The following CDH26 variants were observed in gnomAD, a reference collection of about 807,000 sequenced individuals.
The protein encoded by CDH26 is cadherin-like protein 26.
A neutral mutation model predicts 90.3 loss-of-function variants in CDH26; 83 were observed. The observed-to-expected ratio is 0.92, with a 90% CI of 0.77 to 1.10. CDH26 has a LOEUF of 1.10. Among genes scored for constraint, CDH26 ranks in the 50% least tolerant of loss-of-function variants. The pLI is 0.00. For missense variants in CDH26, 1,013 were observed against 1,037.6 expected (o/e 0.98, Z 0.33); for synonymous variants, 397 against 396.3 (o/e 1.00, Z -0.02).
intron 8 of CDH26, among the ~76,000 whole-genome samples, chr20:59,987,846 A>C (rs1373300135): frequency 1.3e-5 from 2 of 152,200 alleles, no homozygotes; most frequent in African/African-American, 4.8e-5. Context: ...AAATGATATC[A>C]ATAATAAAAC....
intron 4 of CDH26, among the ~76,000 whole-genome samples, chr20:59,981,041 A>G (rs1305164389): frequency 6.6e-6 from 1 of 152,186 alleles, no homozygotes; most frequent in African/African-American, 2.4e-5. Flanking sequence ...TCAATCAACC[A>G]TACTTGTGTG....
chr20:59,961,051 A>C (rs1007044409), intron 1 of CDH26, among the ~76,000 whole-genome samples: 2 of 152,218 alleles, frequency 1.3e-5, no homozygotes, highest in African/African-American at 4.8e-5. Context: ...TTGCCATATC[A>C]AGAGTTACGA....
In CDH26 at chr20:60,014,118, A is replaced by C. The variant is rs1601212804; in HGVS notation, c.*1388A>C. On this transcript the variant is annotated 3_prime_UTR_variant, in exon 18 of 18. Transcript: ENST00000348616. Reference sequence around the variant, plus strand: ...TTGCCTCTTTCATTCTGTCCCCTGTAGATTTTTAAAAAATTATCTCATTTT... The same window carrying C: ...TTGCCTCTTTCATTCTGTCCCCTGTCGATTTTTAAAAAATTATCTCATTTT... The C allele has an allele frequency of 6.6e-6, 1 of 152,260 alleles. No individual in the cohort carries two copies. Among genetic ancestry groups the C allele is most frequent in the East Asian group, 1.9e-4 (1 of 5,174 alleles). The allele number at this position is 152,260 out of a possible 1,614,324, so 9.4% of individuals were successfully genotyped here.
At chr20:60,010,604 G>A (rs1275035429) in intron 17 of CDH26, among the ~76,000 whole-genome samples, 1 of 152,186 alleles carries the variant, frequency 6.6e-6, no homozygotes, top group Non-Finnish European at 1.5e-5. Context: ...TGCTGGGTTG[G>A]AGATTGGCAG....
chr20:60,001,059 A>G (rs568658426), intron 14 of CDH26, among the ~76,000 whole-genome samples: 5 of 152,240 alleles, frequency 3.3e-5, no homozygotes, highest in African/African-American at 4.8e-5. Context: ...CTGCGTGTCT[A>G]TGCAGTTTTC....
At chr20:59,971,865 C>A in intron 3 of CDH26, 97 bp from the exon 4 acceptor site, 1 of 984,426 alleles carries the variant, frequency 1.0e-6, no homozygotes, top group Non-Finnish European at 1.5e-6. Flanking sequence ...GGTATAATTT[C>A]TTAAAGATGC....
Position 59,992,474 on chromosome 20 carries a change from T to A in CDH26, c.1380T>A (p.His460Gln), listed in dbSNP as rs1271233965. 1 of 1,614,150 alleles carries A rather than the reference T, an allele frequency of 6.2e-7. No individual in the cohort carries two copies. The highest frequency in any genetic ancestry group is 1.1e-5 in the South Asian group (1 of 91,084). The change falls in exon 10 of 18, where the codon CAT becomes CAA. Residue 460 changes from histidine (H) to glutamine (Q), a missense_variant. Transcript: ENST00000348616. This position sits in a 1 kb window ranked among gnomAD's most constrained non-coding sequence, Gnocchi z 5.0. ...TVEPIDRESP[H>Q]VNNSFYVIII... Reference sequence around the variant, plus strand: ...AGCCAATTGACCGAGAATCCCCTCATGTAAATAACAGTTTTTATGTAATCA... The same window carrying A: ...AGCCAATTGACCGAGAATCCCCTCAAGTAAATAACAGTTTTTATGTAATCA...
chr20:59,999,744 C>A, intron 14 of CDH26, 81 bp downstream of exon 14: 2 of 1,303,718 alleles, frequency 1.5e-6, no homozygotes, highest in Non-Finnish European at 2.2e-6. Flanking sequence ...ACCTGGGATG[C>A]TCCTCCCAGT....
At chr20:60,007,732 GTTT>G (rs113480441) in intron 17 of CDH26, among the ~76,000 whole-genome samples, 2 of 146,016 alleles carry the variant, frequency 1.4e-5, no homozygotes, top group African/African-American at 2.5e-5. Context: ...GTTTCTGCTG[GTTT>G]TTTTTTTTTA....
At chr20:59,997,783 G>T (rs1271564482) in intron 13 of CDH26, among the ~76,000 whole-genome samples, 3 of 152,264 alleles carry the variant, frequency 2.0e-5, no homozygotes, top group Admixed American at 6.5e-5. Context: ...AATGAAGTCA[G>T]ACATTTAGGG....
chr20:60,032,860 A>C (rs1485609702), intron 8 of CDH26, among the ~76,000 whole-genome samples: 1 of 59,562 alleles, frequency 1.7e-5, no homozygotes, highest in Non-Finnish European at 3.0e-5. Context: ...GGGTGGGGGG[A>C]GGGGGGAGGG....
intron 9 of CDH26, among the ~76,000 whole-genome samples, chr20:59,991,384 A>G (rs1171371204): frequency 6.6e-6 from 1 of 152,172 alleles, no homozygotes; most frequent in Non-Finnish European, 1.5e-5. Context: ...GGGTGGAGGC[A>G]TGATCTGGGT....
chr20:60,001,527 A>T lies in CDH26; in HGVS notation c.2166+116A>T, dbSNP rs185108741. 16 of 1,456,730 alleles carry T rather than the reference A, an allele frequency of 1.1e-5. No homozygotes were observed. In the East Asian group the frequency reaches 3.7e-4, roughly 34 times the overall value. The allele number at this position is 1,456,730 out of a possible 1,614,324, so 90.2% of individuals were successfully genotyped here. A position where few individuals can be genotyped will look rare whatever the true frequency, so the allele number is the denominator to read the frequency against. On this transcript the variant is annotated intron_variant, in intron 15 of 17. Coordinates refer to ENST00000348616, the MANE Select transcript of CDH26 (RefSeq NM_177980.4). ...GTGATACTGTCAGAAAAAGGCACAT[A>T]GTCAATGAAAATCTGAGAAGCTGGG...
chr20:60,002,934 T>A (rs2061695583), intron 16 of CDH26, 68 bp downstream of exon 16: 4 of 1,241,156 alleles, frequency 3.2e-6, no homozygotes, highest in Non-Finnish European at 4.4e-6. Flanking sequence ...GCTGTGCAAA[T>A]CCCTGAAAAT....
At position 59,996,688 on chromosome 20, in the gene CDH26, G is replaced by A. The variant is rs1220797630; in HGVS notation, c.1946G>A (p.Cys649Tyr). 6.2e-7 allele frequency: 1 copy of A among 1,614,134 alleles called. No individual in the cohort carries two copies. Among genetic ancestry groups the A allele is most frequent in the Non-Finnish European group, 8.5e-7 (1 of 1,179,970 alleles). The change falls in exon 13 of 18, where the codon TGC becomes TAC. Residue 649 changes from cysteine (C) to tyrosine (Y), a missense_variant. By Grantham distance (194) the Cys-to-Tyr change is radical. Coordinates refer to ENST00000348616, the MANE Select transcript of CDH26 (RefSeq NM_177980.4). ...YFVLEPKRHG[C>Y]SVSNDEGHQT... ...GTGCTTGAACCTAAGAGGCATGGAT[G>A]CTCTGTATCCAATGATGAAGGCCAC... is the stretch of plus-strand genomic sequence containing the variant.
chr20:59,989,550 A>AG (rs1340217836), intron 9 of CDH26, among the ~76,000 whole-genome samples: 1 of 151,560 alleles, frequency 6.6e-6, no homozygotes, highest in South Asian at 2.1e-4. Context: ...AAAAAAAAAA[A>AG]AAAGAAAAGA....
intron 1 of CDH26, among the ~76,000 whole-genome samples, chr20:59,967,999 CTTTCTTTCTTTCTTCCTTT>C (rs1569024927): frequency 1.7e-5 from 2 of 117,668 alleles, no homozygotes; most frequent in East Asian, 4.7e-4. Context: ...TTCTTTCTTT[CTTTCTTTCTTTCTTCCTTT>C]CTCTCTGTCT....
In CDH26 at chr20:59,983,008, A is replaced by G. The variant is rs1273159437; in HGVS notation, c.479A>G (p.Asp160Gly). 6.2e-7 allele frequency: 1 copy of G among 1,614,096 alleles called. No individual in the cohort carries two copies. Among genetic ancestry groups the G allele is most frequent in the Non-Finnish European group, 8.5e-7 (1 of 1,179,996 alleles). Residue 160 changes from aspartate to glycine, a missense_variant, in exon 5 of 18, where the codon GAT becomes GGT. Transcript: ENST00000348616. ...IFNIRISDVNDHAPQFPEKEF... is the reference protein window; with the variant it reads ...IFNIRISDVNGHAPQFPEKEF... ...AACATTAGGATCAGTGATGTGAATG[A>G]TCATGCACCCCAGTTTCCAGAGAAG... is the stretch of plus-strand genomic sequence containing the variant.
At chr20:59,962,332 A>G (rs2061085753) in intron 1 of CDH26, among the ~76,000 whole-genome samples, 1 of 152,232 alleles carries the variant, frequency 6.6e-6, no homozygotes, top group Admixed American at 6.5e-5. Context: ...TCTAGAAGTC[A>G]GAAGTCTGAA....
Sources: gnomAD v4.1 joint callset for allele counts (sites outside exome capture counted in the v4.1 genomes callset) on GRCh38, gnomAD v4.1.1 for gene constraint, Gnocchi (gnomAD v3.1) non-coding constraint, MANE v1.5 for transcripts, NCBI Gene and HGNC (gene_info 2026-07-23, HGNC 2026-07-21) for gene names.